TTBK2: variants seen among roughly 807,000 people sequenced by gnomAD.
The protein encoded by TTBK2 is tau tubulin kinase 2.
In TTBK2, 28 loss-of-function variants were observed where a neutral mutation model predicts 110.8. The observed-to-expected ratio is 0.25, with a 90% confidence interval of 0.19 to 0.35. The LOEUF (loss-of-function observed/expected upper bound fraction) is 0.35, where lower values mean the gene tolerates loss of function less well. Ranked by LOEUF, TTBK2 falls within the 10% of genes least tolerant of loss-of-function variation. The probability of loss-of-function intolerance (pLI) is 1.00; values close to 1 mark genes in which losing one functional copy is unlikely to be tolerated. For missense variants in TTBK2, 1,369 were observed against 1,500.3 expected (o/e 0.91, Z 1.45); for synonymous variants, 532 against 527.3 (o/e 1.01, Z -0.12).
At chr15:42,795,016 T>A (rs1294919217) in intron 9 of TTBK2, among the ~76,000 whole-genome samples, 2 of 152,250 alleles carry the variant, frequency 1.3e-5, no homozygotes, top group East Asian at 3.8e-4. Flanking sequence ...GTTTCTGTTT[T>A]CGAGGGATAC....
chr15:42,803,939 A>G (rs1891333675), intron 9 of TTBK2, among the ~76,000 whole-genome samples: 1 of 134,992 alleles, frequency 7.4e-6, no homozygotes, highest in Non-Finnish European at 1.5e-5. Flanking sequence ...AGATGAGAGG[A>G]TTGCTTTAAC....
At chr15:42,792,085 C>T (rs752216916) in intron 10 of TTBK2, among the ~76,000 whole-genome samples, 3 of 152,076 alleles carry the variant, frequency 2.0e-5, no homozygotes, top group Non-Finnish European at 4.4e-5. Context: ...TGCAGTGAGC[C>T]GAGATCACGC....
chr15:42,844,725 C>T (rs147985931), intron 3 of TTBK2, among the ~76,000 whole-genome samples: 2 of 152,252 alleles, frequency 1.3e-5, no homozygotes, highest in Admixed American at 1.3e-4. Flanking sequence ...GTTACTTTGT[C>T]CAAAATTACA....
At chr15:42,871,264 T>G (rs143302374) in intron 3 of TTBK2, among the ~76,000 whole-genome samples, 205 of 152,174 alleles carry the variant, frequency 1.3e-3, no homozygotes, top group African/African-American at 4.8e-3. Context: ...AATATATTAG[T>G]TAATAACGTG....
In TTBK2 at chr15:42,746,063, C is replaced by T. The variant is rs748778273; in HGVS notation, c.3467G>A (p.Arg1156Gln). 8.7e-6 allele frequency: 14 copies of T among 1,613,920 alleles called. No individual in the cohort carries two copies. The highest frequency in any genetic ancestry group is 8.0e-5 in the African/African-American group (6 of 74,874). Reference protein sequence around the residue: ...VPRRSPSASPRSSSLPRTSSS... With the variant: ...VPRRSPSASPQSSSLPRTSSS... ...AGACGTGCGAGGCAAGGATGAGCTT[C>T]GAGGAGAGGCACTGGGACTCCTGCG... is the stretch of plus-strand genomic sequence containing the variant. The change falls in exon 15 of 15, where the codon CGA becomes CAA. Residue 1156 changes from arginine (R) to glutamine (Q), a missense_variant. Transcript: ENST00000267890.
chr15:42,772,988 G>C (rs1406729066), intron 13 of TTBK2, among the ~76,000 whole-genome samples: 1 of 152,128 alleles, frequency 6.6e-6, no homozygotes, highest in Non-Finnish European at 1.5e-5. Flanking sequence ...TAACTGTTTA[G>C]ATGTAAGTTT....
intron 13 of TTBK2, among the ~76,000 whole-genome samples, chr15:42,767,697 G>A (rs1343043961): frequency 6.6e-6 from 1 of 152,130 alleles, no homozygotes; most frequent in Non-Finnish European, 1.5e-5. Context: ...AGAGGAGCTG[G>A]TACCATTCTT....
intron 3 of TTBK2, among the ~76,000 whole-genome samples, chr15:42,866,152 A>T (rs967420000): frequency 2.0e-5 from 3 of 152,186 alleles, no homozygotes; most frequent in African/African-American, 7.2e-5. Flanking sequence ...AAAGAAGGGC[A>T]TCATAGCCAA....
chr15:42,754,797 T>C (rs2061922196), intron 13 of TTBK2, among the ~76,000 whole-genome samples: 1 of 144,556 alleles, frequency 6.9e-6, no homozygotes, highest in African/African-American at 2.5e-5. Flanking sequence ...CCACCTGAGG[T>C]CGGGAGTTCG....
chr15:42,901,896 T>C (rs1408570087), intron 1 of TTBK2, among the ~76,000 whole-genome samples: 1 of 152,028 alleles, frequency 6.6e-6, no homozygotes, highest in Non-Finnish European at 1.5e-5. Context: ...CCAACATCAC[T>C]AATCATTAGG....
chr15:42,796,766 C>A (rs1203382734), intron 9 of TTBK2, among the ~76,000 whole-genome samples: 3 of 152,248 alleles, frequency 2.0e-5, no homozygotes, highest in Non-Finnish European at 2.9e-5. Context: ...GGATCTCATA[C>A]ATTACCTTAT....
chr15:42,914,288 T>C (rs1426095469), intron 1 of TTBK2, among the ~76,000 whole-genome samples: 2 of 152,114 alleles, frequency 1.3e-5, no homozygotes, highest in Non-Finnish European at 2.9e-5. Context: ...AACTTCCTTT[T>C]TCAAAAACAG....
chr15:42,902,802 G>A (rs1377717886), intron 1 of TTBK2, among the ~76,000 whole-genome samples: 2 of 152,056 alleles, frequency 1.3e-5, no homozygotes, highest in African/African-American at 4.8e-5. Context: ...AGACCAGCCT[G>A]GGCAACGTGG....
At chr15:42,808,152 C>T (rs1891555161) in intron 9 of TTBK2, among the ~76,000 whole-genome samples, 1 of 152,242 alleles carries the variant, frequency 6.6e-6, no homozygotes, top group East Asian at 1.9e-4. Flanking sequence ...GTGAGAGACA[C>T]ATGAAAGATT....
chr15:42,918,848 G>A (rs1228164974), intron 1 of TTBK2, among the ~76,000 whole-genome samples: 5 of 152,106 alleles, frequency 3.3e-5, no homozygotes. Flanking sequence ...ATGCAATAGA[G>A]AATTTACTAA....
chr15:42,898,207 C>T (rs982209397), intron 1 of TTBK2, among the ~76,000 whole-genome samples: 21 of 151,952 alleles, frequency 1.4e-4, no homozygotes, highest in Admixed American at 1.1e-3. Context: ...TGATAATGGT[C>T]GTTTAAACCA....
At chr15:42,776,975 C>T (rs763559426) in intron 12 of TTBK2, 56 bp downstream of exon 12, 3 of 1,534,848 alleles carry the variant, frequency 2.0e-6, no homozygotes, top group South Asian at 1.1e-5. Flanking sequence ...ACAACAATGA[C>T]AACAATAATA....
chr15:42,780,466 T>C (rs1330630826), intron 11 of TTBK2, among the ~76,000 whole-genome samples: 2 of 151,966 alleles, frequency 1.3e-5, no homozygotes, highest in Non-Finnish European at 2.9e-5. Flanking sequence ...GTTAGGATAT[T>C]GCTTAATTTT....
intron 3 of TTBK2, among the ~76,000 whole-genome samples, chr15:42,869,553 T>G (rs1237713359): frequency 1.3e-5 from 2 of 151,476 alleles, no homozygotes; most frequent in Non-Finnish European, 2.9e-5. Context: ...TCATTTAAAG[T>G]TGAGGAAAAA....
Sources: gnomAD v4.1 joint callset for allele counts (sites outside exome capture counted in the v4.1 genomes callset) on GRCh38, gnomAD v4.1.1 for gene constraint, MANE v1.5 for transcripts, NCBI Gene and HGNC (gene_info 2026-07-23, HGNC 2026-07-21) for gene names.